CNGB3: variants seen among roughly 807,000 people sequenced by gnomAD.
CNGB3 encodes the protein cyclic nucleotide-gated channel beta-3.
Under a neutral mutation model 92.8 loss-of-function variants are expected in CNGB3, and 86 were observed. That is an observed-to-expected ratio of 0.93 (90% confidence interval 0.78 to 1.11). The LOEUF (loss-of-function observed/expected upper bound fraction) is 1.11. Ranked by LOEUF, CNGB3 falls within the 50% of genes least tolerant of loss-of-function variation. The pLI is 0.00. For missense variants in CNGB3, 1,026 were observed against 956.8 expected (o/e 1.07, Z -0.95); for synonymous variants, 333 against 332.7 (o/e 1.00, Z -0.01).
At position 86,611,606 on chromosome 8, in the gene CNGB3, A is replaced by T. The variant is rs140853266; in HGVS notation, c.1644T>A (p.Gly548=). Residue 548 remains glycine (G), a synonymous_variant, in exon 14 of 18, where the codon GGT becomes GGA. Transcript: ENST00000320005. ...CACTCACCTTTTTGCAGACAAAGTC[A>T]CCAGGCAAATAGAGAACGGATTTCA... ...LRLKSVLYLP[G]DFVCKKGEIG... 10 of 1,613,262 alleles carry T rather than the reference A, an allele frequency of 6.2e-6. No individual in the cohort carries two copies. The highest frequency in any genetic ancestry group is 7.6e-6 in the Non-Finnish European group (9 of 1,179,312).
At chr8:86,704,864 T>A (rs1214664067) in intron 3 of CNGB3, among the ~76,000 whole-genome samples, 2 of 152,224 alleles carry the variant, frequency 1.3e-5, no homozygotes, top group East Asian at 3.8e-4. Context: ...TAATGACTTT[T>A]AAAATACCGT....
chr8:86,725,784 T>C (rs1306398523), intron 3 of CNGB3, among the ~76,000 whole-genome samples: 1 of 152,192 alleles, frequency 6.6e-6, no homozygotes, highest in Non-Finnish European at 1.5e-5. Context: ...TTTTAACTTC[T>C]TTATAAGTGA....
In CNGB3 at chr8:86,644,533, G is replaced by A. The variant is rs1474800784; in HGVS notation, c.1055+89C>T. On this transcript the variant is annotated intron_variant, in intron 9 of 17. Transcript: ENST00000320005. ...GCTGAAATTATATCCTTTTTTTGAA[G>A]AGGGGGGTCATATCCCTGCCAAATT... 4.6e-6 allele frequency: 7 copies of A among 1,518,810 alleles called. No individual in the cohort carries two copies. The African/African-American group carries it at 5.6e-5, about 12-fold the overall frequency. The allele number at this position is 1,518,810 out of a possible 1,614,324, so 94.1% of individuals were successfully genotyped here. A position where few individuals can be genotyped will look rare whatever the true frequency, so the allele number is the denominator to read the frequency against.
At chr8:86,721,257 G>A (rs1415034743) in intron 3 of CNGB3, among the ~76,000 whole-genome samples, 3 of 152,088 alleles carry the variant, frequency 2.0e-5, no homozygotes, top group Admixed American at 6.6e-5. Flanking sequence ...TTACAGGCAT[G>A]AGCCACCGCA....
At chr8:86,711,287 T>A (rs2131658776) in intron 3 of CNGB3, among the ~76,000 whole-genome samples, 1 of 152,288 alleles carries the variant, frequency 6.6e-6, no homozygotes, top group South Asian at 2.1e-4. Context: ...TATTCATGGA[T>A]TTTTGCCTGC....
At chr8:86,652,301 C>T (rs559917820) in intron 7 of CNGB3, among the ~76,000 whole-genome samples, 22 of 151,992 alleles carry the variant, frequency 1.4e-4, no homozygotes, top group Non-Finnish European at 2.9e-4. Context: ...AGTCAATGAG[C>T]GAGTAGTGAG....
chr8:86,587,135 CT>C (rs1385947502), intron 15 of CNGB3, among the ~76,000 whole-genome samples: 1 of 145,016 alleles, frequency 6.9e-6, no homozygotes, highest in Non-Finnish European at 1.5e-5. Flanking sequence ...TAAATGTCTT[CT>C]TTTGAGAAGT....
chr8:86,587,312 C>T (rs1484142171), intron 15 of CNGB3, among the ~76,000 whole-genome samples: 1 of 152,050 alleles, frequency 6.6e-6, no homozygotes, highest in Non-Finnish European at 1.5e-5. Context: ...ATGGTAGTTT[C>T]TTTTGCCGTG....
chr8:86,579,417 G>T (rs955947882), intron 15 of CNGB3, among the ~76,000 whole-genome samples, 165 bp from the exon 16 acceptor site: 2 of 152,188 alleles, frequency 1.3e-5, no homozygotes, highest in African/African-American at 4.8e-5. Context: ...TGTGGGAATA[G>T]AAATGGCTCA....
In CNGB3 at chr8:86,629,053, G is replaced by T; in HGVS notation, c.1346C>A (p.Thr449Lys). The T allele has an allele frequency of 6.2e-7, 1 of 1,613,980 alleles. No homozygotes were observed. The highest frequency in any genetic ancestry group is 2.2e-5 in the East Asian group (1 of 44,874). Residue 449 changes from threonine to lysine, a missense_variant, in exon 12 of 18, where the codon ACA becomes AAA. By Grantham distance (78) the Thr-to-Lys change is moderately conservative (BLOSUM62 -1). Coordinates refer to ENST00000320005, the MANE Select transcript of CNGB3 (RefSeq NM_019098.5). ...GQMRDVIGAATANQNYFRACM... is the reference protein window; with the variant it reads ...GQMRDVIGAAKANQNYFRACM... Reference sequence around the variant, plus strand: ...GGCGCGGAAGTAGTTCTGATTGGCTGTAGCTGCTCCAATCACATCTCTCAT... The same window carrying T: ...GGCGCGGAAGTAGTTCTGATTGGCTTTAGCTGCTCCAATCACATCTCTCAT...
intron 15 of CNGB3, 33 bp downstream of exon 15, chr8:86,604,060 G>T: frequency 1.5e-6 from 2 of 1,333,606 alleles, no homozygotes; most frequent in Non-Finnish European, 1.1e-6. Context: ...ACAAATGATG[G>T]ACTTCAATAT....
chr8:86,686,364 A>G (rs936117930), intron 3 of CNGB3, among the ~76,000 whole-genome samples: 3 of 152,096 alleles, frequency 2.0e-5, no homozygotes, highest in Admixed American at 6.6e-5. Context: ...GATGTGCATC[A>G]CAGATTTTTA....
Position 86,743,551 on chromosome 8 carries a change from C to G in CNGB3, c.77G>C (p.Arg26Pro). The change falls in exon 1 of 18, where the codon CGG (arginine) becomes CCG (proline). Residue 26 changes from arginine to proline, a missense_variant. Arg to Pro is a moderately radical substitution (Grantham distance 103). Coordinates refer to ENST00000320005, the MANE Select transcript of CNGB3 (RefSeq NM_019098.5). ...ACTTGGGTGAGAGCCTTCTTCATTC[C>G]GACGAGAACTTTGTTCATTCTCATT... ...ENNENEQSSR[R>P]NEEGSHPSNQ... 1 of 1,613,986 alleles carries G rather than the reference C, an allele frequency of 6.2e-7. No homozygotes were observed. The highest frequency in any genetic ancestry group is 8.5e-7 in the Non-Finnish European group (1 of 1,179,910).
chr8:86,646,644 G>T (rs1281076626), intron 8 of CNGB3, among the ~76,000 whole-genome samples: 2 of 151,150 alleles, frequency 1.3e-5, no homozygotes, highest in Admixed American at 1.3e-4. Context: ...GTCAGGATCT[G>T]CTGGTGTTAC....
chr8:86,659,068 G>A, intron 6 of CNGB3: 1 of 852,052 alleles, frequency 1.2e-6, no homozygotes. Flanking sequence ...GGCCCTGCTG[G>A]GGGCTCCAGG....
intron 15 of CNGB3, among the ~76,000 whole-genome samples, chr8:86,595,437 A>G (rs1295334868): frequency 6.6e-6 from 1 of 152,204 alleles, no homozygotes; most frequent in Non-Finnish European, 1.5e-5. Flanking sequence ...CTGATTGTAT[A>G]TTTGTTCAGT....
chr8:86,659,222 C>G (rs1295830685), intron 6 of CNGB3: 1 of 735,662 alleles, frequency 1.4e-6, no homozygotes, highest in South Asian at 1.5e-5. Flanking sequence ...GCATGGCCCT[C>G]CCTCCTTTCA....
chr8:86,595,200 A>C (rs1013450460), intron 15 of CNGB3, among the ~76,000 whole-genome samples: 59 of 152,224 alleles, frequency 3.9e-4, no homozygotes, highest in African/African-American at 1.4e-3. Context: ...ATGCCAATGA[A>C]GTTACTGCTG....
chr8:86,686,262 A>G (rs1287691995), intron 3 of CNGB3, among the ~76,000 whole-genome samples: 16 of 152,112 alleles, frequency 1.1e-4, no homozygotes, highest in Non-Finnish European at 2.2e-4. Context: ...GAAGGGCATA[A>G]CAGCACATAG....
Sources: allele counts gnomAD v4.1 joint callset (sites outside exome capture counted in the v4.1 genomes callset), GRCh38; gene constraint gnomAD v4.1.1; transcripts MANE v1.5; gene names NCBI Gene and HGNC (gene_info 2026-07-23, HGNC 2026-07-21).